Variants in PAPPA observed in about 807,000 individuals in gnomAD.
The protein encoded by PAPPA is pappalysin-1.
A neutral mutation model predicts 164.0 loss-of-function variants in PAPPA; 60 were observed. The observed-to-expected ratio is 0.37, with a 90% CI of 0.30 to 0.45. The LOEUF (loss-of-function observed/expected upper bound fraction) is 0.45. PAPPA is among the 20% of genes least tolerant of loss of function. The pLI is 1.00. For synonymous variants in PAPPA, 875 were observed against 814.1 expected, an observed-to-expected ratio of 1.07 and a Z score of -1.27; for missense variants, 1,782 against 2,087.3, an observed-to-expected ratio of 0.85 and a Z score of 2.85.
At chr9:116,378,345 C>G (rs1033864230) in intron 20 of PAPPA, among the ~76,000 whole-genome samples, 1 of 152,146 alleles carries the variant, frequency 6.6e-6, no homozygotes, top group African/African-American at 2.4e-5. Flanking sequence ...GGGCTGTCCA[C>G]GGAACTCAAA....
intron 1 of PAPPA, among the ~76,000 whole-genome samples, chr9:116,181,566 C>T (rs926750288): frequency 6.6e-5 from 10 of 152,198 alleles, no homozygotes; most frequent in African/African-American, 1.9e-4. Flanking sequence ...ACTGGGGTTA[C>T]ATCTTTAATG....
rs367791855 is a variant in PAPPA, at chr9:116,372,220, T to G, written c.4605+4466T>G. 2.0e-5 allele frequency among the ~76,000 whole-genome samples: 3 copies of G among 152,138 alleles called. No homozygotes were observed. In the East Asian group the frequency reaches 5.8e-4, roughly 29 times the overall value. ...GCTAGAGAGAAACTGCAGGGAATGG[T>G]GGGGACTATGGCAAACTATGGAAAA... is the stretch of plus-strand genomic sequence containing the variant. On this transcript the variant is annotated intron_variant, in intron 19 of 21. Transcript: ENST00000328252.
chr9:116,235,551 G>A lies in PAPPA; in HGVS notation c.2646G>A (p.Lys882=). 4 of 1,613,688 alleles carry A rather than the reference G, an allele frequency of 2.5e-6. No homozygotes were observed. The highest frequency in any genetic ancestry group is 3.4e-6 in the Non-Finnish European group (4 of 1,179,988). The part of the protein sequence containing the change: ...TADTPLCLQC[K]PLKYKVVRDP... ...ACACCCCACTCTGTCTACAGTGTAA[G>A]CCCCTGAAGTATAAGGTGGTCCGGG... Residue 882 remains lysine (K), a synonymous_variant, in exon 7 of 22, where the codon AAG becomes AAA. Coordinates refer to ENST00000328252, the MANE Select transcript of PAPPA (RefSeq NM_002581.5).
intron 9 of PAPPA, among the ~76,000 whole-genome samples, chr9:116,278,413 C>G (rs1410313638): frequency 1.3e-5 from 2 of 152,214 alleles, no homozygotes; most frequent in Non-Finnish European, 2.9e-5. Flanking sequence ...CTTGAAATAG[C>G]CAGAGAGTGT....
intron 9 of PAPPA, among the ~76,000 whole-genome samples, chr9:116,289,421 CA>C (rs1313930888): frequency 7.1e-6 from 1 of 141,800 alleles, no homozygotes; most frequent in Non-Finnish European, 1.5e-5. Context: ...ATATATATAG[CA>C]TATATATATA....
chr9:116,331,921 C>CT (rs1447047700), intron 11 of PAPPA, among the ~76,000 whole-genome samples: 5 of 152,130 alleles, frequency 3.3e-5, no homozygotes, highest in Non-Finnish European at 7.4e-5. Context: ...CAGTATGCAC[C>CT]TTTTTTTGTG....
chr9:116,262,469 T>G (rs1845014661), intron 7 of PAPPA, among the ~76,000 whole-genome samples: 1 of 152,204 alleles, frequency 6.6e-6, no homozygotes, highest in African/African-American at 2.4e-5. Context: ...ATTGGAAGTT[T>G]CAGCTTGGTA....
intron 19 of PAPPA, among the ~76,000 whole-genome samples, chr9:116,374,185 G>A (rs10817876): frequency 1.6e-4 from 17 of 109,416 alleles, no homozygotes; most frequent in African/African-American, 3.2e-4. Context: ...GATGATGATG[G>A]TGGTGATGAT....
At chr9:116,158,078 G>T (rs1843624556) in intron 1 of PAPPA, among the ~76,000 whole-genome samples, 1 of 152,086 alleles carries the variant, frequency 6.6e-6, no homozygotes, top group South Asian at 2.1e-4. Flanking sequence ...TTGCCTTAGT[G>T]ATTCGGAATT....
At chr9:116,309,597 G>A (rs1016043628) in intron 10 of PAPPA, among the ~76,000 whole-genome samples, 3 of 152,130 alleles carry the variant, frequency 2.0e-5, no homozygotes, top group Non-Finnish European at 4.4e-5. Context: ...TGATTGCTGA[G>A]TTTCAACTAA....
intron 1 of PAPPA, among the ~76,000 whole-genome samples, chr9:116,185,689 C>A (rs1843961320): frequency 6.6e-6 from 1 of 152,138 alleles, no homozygotes; most frequent in African/African-American, 2.4e-5. Flanking sequence ...TTTGTCTATG[C>A]CAGGGACACT....
intron 1 of PAPPA, among the ~76,000 whole-genome samples, chr9:116,169,453 G>A (rs1843752561): frequency 6.7e-6 from 1 of 150,374 alleles, no homozygotes; most frequent in Admixed American, 6.7e-5. Context: ...CCGAGTAGCT[G>A]GCATTACAGG....
At chr9:116,179,646 G>A (rs570527503) in intron 1 of PAPPA, among the ~76,000 whole-genome samples, 1 of 152,170 alleles carries the variant, frequency 6.6e-6, no homozygotes, top group Non-Finnish European at 1.5e-5. Flanking sequence ...TGATATCCCA[G>A]CCTTCCTCTG....
chr9:116,385,645 T>C (rs2118711293), intron 21 of PAPPA, among the ~76,000 whole-genome samples: 1 of 152,360 alleles, frequency 6.6e-6, no homozygotes, highest in South Asian at 2.1e-4. Flanking sequence ...TGTTGTTTCC[T>C]CCTTGTCTAC....
chr9:116,330,209 G>T (rs1440761046), intron 10 of PAPPA, among the ~76,000 whole-genome samples: 1 of 152,176 alleles, frequency 6.6e-6, no homozygotes. Flanking sequence ...CCACATTAGA[G>T]ACCAGAGGAG....
At position 116,212,011 on chromosome 9, in the gene PAPPA, A is replaced by G; in HGVS notation, c.1918+79A>G. ...CAATCCTGGCTCAGGGGAACCTTGA[A>G]CAAGCTACTTACCATTTCTAAGGAT... On this transcript the variant is annotated intron_variant, in intron 4 of 21. Coordinates refer to ENST00000328252, the MANE Select transcript of PAPPA (RefSeq NM_002581.5). 1.8e-5 allele frequency: 23 copies of G among 1,255,712 alleles called. 1 individual carries two copies. Among genetic ancestry groups the G allele is most frequent in the Non-Finnish European group, 2.6e-5 (23 of 878,524 alleles). 77.8% of individuals were successfully genotyped at this position (1,255,712 alleles called of 1,614,324 possible).
intron 13 of PAPPA, among the ~76,000 whole-genome samples, chr9:116,339,042 T>C (rs1846100298): frequency 6.6e-6 from 1 of 152,124 alleles, no homozygotes; most frequent in South Asian, 2.1e-4. Context: ...ACCTAACAAG[T>C]TGGGGGCAAA....
intron 2 of PAPPA, among the ~76,000 whole-genome samples, chr9:116,195,113 G>T (rs1347370150): frequency 1.3e-5 from 2 of 152,154 alleles, no homozygotes; most frequent in African/African-American, 4.8e-5. Context: ...TGCCAGACTT[G>T]TGAAGTTACT....
chr9:116,292,744 T>G (rs1457962149), intron 9 of PAPPA, among the ~76,000 whole-genome samples: 1 of 152,120 alleles, frequency 6.6e-6, no homozygotes, highest in Non-Finnish European at 1.5e-5. Flanking sequence ...AATGTTTCAG[T>G]GATTGGCACA....
Sources: allele counts gnomAD v4.1 joint callset (sites outside exome capture counted in the v4.1 genomes callset), GRCh38; gene constraint gnomAD v4.1.1; transcripts MANE v1.5; gene names NCBI Gene and HGNC (gene_info 2026-07-23, HGNC 2026-07-21).